Variants in FN1 observed in about 807,000 individuals in gnomAD.
FN1 encodes fibronectin 1.
FN1 carries 106 observed loss-of-function variants against 297.3 expected under a neutral mutation model. The ratio of observed to expected loss-of-function variants is 0.36; its 90% CI spans 0.30 to 0.42. The LOEUF (loss-of-function observed/expected upper bound fraction) is 0.42. Among genes scored for constraint, FN1 ranks in the 10% least tolerant of loss-of-function variants. FN1 has a pLI of 1.00. For synonymous variants in FN1, 1,149 were observed against 1,152.6 expected (o/e 1.00, Z 0.06); for missense variants, 2,690 against 3,124.9 (o/e 0.86, Z 3.32).
Position 215,406,309 on chromosome 2 carries a change from G to A in FN1, c.2915C>T (p.Thr972Ile). 6.2e-7 allele frequency: 1 copy of A among 1,614,200 alleles called. No individual in the cohort carries two copies. Among genetic ancestry groups the A allele is most frequent in the Non-Finnish European group, 8.5e-7 (1 of 1,180,032 alleles). ...AEVTGLSPGV[T>I]YYFKVFAVSH... ...CACTGCAAAGACTTTGAAGTAATAG[G>A]TGACCCCAGGGGACAGCCCGGTGAC... The change falls in exon 19 of 46, where the codon ACC (threonine) becomes ATC (isoleucine). Residue 972 changes from threonine (T) to isoleucine (I), a missense_variant. Thr to Ile is a moderately conservative substitution (Grantham distance 89). Coordinates refer to ENST00000354785, the MANE Select transcript of FN1 (RefSeq NM_212482.4).
In FN1 at chr2:215,361,749, G is replaced by A. The variant is rs2053489851; in HGVS notation, c.7363-123C>T. 7.9e-6 allele frequency: 8 copies of A among 1,018,216 alleles called. No individual in the cohort carries two copies. The Admixed American group carries it at 1.5e-4, about 19-fold the overall frequency. 63.1% of individuals were successfully genotyped at this position (1,018,216 alleles called of 1,614,324 possible). On this transcript the variant is annotated intron_variant, in intron 45 of 45. Transcript: ENST00000354785. ...ATAGATAGGATAATATTTCTTCCTAGTTTCAAGAACCTAGCAGCATACTGG... is the reference window on the plus strand; with the variant it reads ...ATAGATAGGATAATATTTCTTCCTAATTTCAAGAACCTAGCAGCATACTGG...
In FN1 at chr2:215,386,718, CTT is replaced by C. The variant is rs1189300871; in HGVS notation, c.4581_4582del (p.Pro1529LeufsTer11). The C allele has an allele frequency of 6.2e-7, 1 of 1,613,916 alleles. No individual in the cohort carries two copies. Among genetic ancestry groups the C allele is most frequent in the East Asian group, 2.2e-5 (1 of 44,850 alleles). ...TGATTGTTGGCCAATCAATAAGGGA[CTT>C]TCCTCTCTGCCATTAAGAGCAACGA... On this transcript the variant is annotated frameshift_variant, in exon 28 of 46. Coordinates refer to ENST00000354785, the MANE Select transcript of FN1 (RefSeq NM_212482.4). LOFTEE classifies it high-confidence loss of function.
At position 215,428,166 on chromosome 2, in the gene FN1, G is replaced by A. The variant is rs763528537; in HGVS notation, c.844+14C>T. ...GCTTCCCCATTTCCCGCCCCTGCTC[G>A]TCCTGTGCCTCACCGCTCGATGTGG... is the stretch of plus-strand genomic sequence containing the variant. On this transcript the variant is annotated intron_variant, in intron 6 of 45. Coordinates refer to ENST00000354785, the MANE Select transcript of FN1 (RefSeq NM_212482.4). The A allele has an allele frequency of 2.5e-5, 41 of 1,613,558 alleles. No individual in the cohort carries two copies. Among genetic ancestry groups the A allele is most frequent in the African/African-American group, 1.1e-4 (8 of 74,928 alleles).
chr2:215,400,977 G>A (rs2060940373), intron 20 of FN1, among the ~76,000 whole-genome samples: 1 of 149,760 alleles, frequency 6.7e-6, no homozygotes, highest in Non-Finnish European at 1.5e-5. Flanking sequence ...TGTATTTTTA[G>A]TAAAGATGGG....
chr2:215,420,614 C>A, intron 11 of FN1, 59 bp downstream of exon 11: 1 of 1,604,834 alleles, frequency 6.2e-7, no homozygotes. Context: ...CTTTTCTTAT[C>A]TGAAACTTGC....
Position 215,384,148 on chromosome 2 carries a change from C to A in FN1, c.4766G>T (p.Gly1589Val). The change falls in exon 30 of 46, where the codon GGG (glycine) becomes GTG (valine). Residue 1589 changes from glycine (G) to valine (V), a missense_variant. Physicochemically the swap from Gly to Val is moderately radical, Grantham distance 109 (BLOSUM62 -3). This residue lies in a region of FN1 where 1,743 missense variants were observed against 1,945.2 expected (regional missense o/e 0.90). Transcript: ENST00000354785. ...GCTGATGGTAGCTGTAGACTTGCTC[C>A]CAGGCACAGTGAACTCCTGGACAGG... ...NSPVQEFTVP[G>V]SKSTATISGL... The A allele has an allele frequency of 6.2e-7, 1 of 1,614,100 alleles. No homozygotes were observed.
Position 215,409,992 on chromosome 2 carries a change from G to T in FN1, c.2064C>A (p.Gly688=). The T allele has an allele frequency of 6.2e-7, 1 of 1,613,980 alleles. No homozygotes were observed. The change falls in exon 14 of 46, where the codon GGC becomes GGA. Residue 688 remains glycine, a synonymous_variant. Transcript: ENST00000354785. The part of the protein sequence containing the change: ...EGQLISIQQY[G]HQEVTRFDFT... ...AGTCAAAGCGAGTCACTTCTTGGTG[G>T]CCGTACTGCTGGATGCTGATGAGCT... is the stretch of plus-strand genomic sequence containing the variant.
At chr2:215,407,012 A>G (rs535465522) in intron 18 of FN1, 115 bp downstream of exon 18, 3 of 836,194 alleles carry the variant, frequency 3.6e-6, no homozygotes, top group East Asian at 5.1e-5. Context: ...AGTTTAGGGA[A>G]AAACTAATAT....
chr2:215,404,345 G>A (rs1261950147), intron 20 of FN1, 44 bp downstream of exon 20: 1 of 1,531,538 alleles, frequency 6.5e-7, no homozygotes, highest in East Asian at 2.2e-5. Flanking sequence ...GAAGAATAGA[G>A]AATGTAAATA....
intron 25 of FN1, chr2:215,392,216 C>T (rs1424477176): frequency 4.5e-6 from 1 of 224,574 alleles, no homozygotes. Context: ...CAAGAGGGTC[C>T]TAAACTTCCC....
chr2:215,375,454 C>T (rs2057102023), intron 37 of FN1, 61 bp from the exon 38 acceptor site: 1 of 1,498,548 alleles, frequency 6.7e-7, no homozygotes, highest in Non-Finnish European at 9.2e-7. Flanking sequence ...TACTCCCACA[C>T]TTTTCTCCCG....
At chr2:215,367,552 G>A in intron 42 of FN1, 1 of 391,476 alleles carries the variant, frequency 2.6e-6, no homozygotes, top group South Asian at 2.2e-5. Flanking sequence ...CTCTTAAATA[G>A]ACCTGGTTCC....
intron 35 of FN1, 128 bp from the exon 36 acceptor site, chr2:215,376,802 T>A: frequency 1.3e-6 from 1 of 763,018 alleles, no homozygotes; most frequent in Non-Finnish European, 2.2e-6. Context: ...TAGTAATGTG[T>A]AGATTATCTC....
chr2:215,407,739 T>C (rs959106884), intron 17 of FN1, among the ~76,000 whole-genome samples: 1 of 152,150 alleles, frequency 6.6e-6, no homozygotes, highest in African/African-American at 2.4e-5. Context: ...AATCACCTAA[T>C]GAGCTAAGAC....
intron 9 of FN1, among the ~76,000 whole-genome samples, chr2:215,422,445 G>A (rs2064573283): frequency 1.3e-5 from 2 of 152,140 alleles, no homozygotes; most frequent in South Asian, 2.1e-4. Flanking sequence ...TAGTCCAAAC[G>A]TGTCATAGAA....
chr2:215,394,539 G>A lies in FN1; in HGVS notation c.3785C>T (p.Thr1262Ile), dbSNP rs78334856. 8 of 1,612,642 alleles carry A rather than the reference G, an allele frequency of 5.0e-6. No individual in the cohort carries two copies. Among genetic ancestry groups the A allele is most frequent in the Middle Eastern group, 1.7e-4 (1 of 5,980 alleles). Reference protein sequence around the residue: ...DDKESVPISDTIIPEVPQLTD... With the variant: ...DDKESVPISDIIIPEVPQLTD... ...TATTTTTCTATTACCTGGGATGATGGTATCAGAGATAGGGACACTTTCCTT... is the reference window on the plus strand; with the variant it reads ...TATTTTTCTATTACCTGGGATGATGATATCAGAGATAGGGACACTTTCCTT... The change falls in exon 24 of 46, where the codon ACC (threonine) becomes ATC (isoleucine). Residue 1262 changes from threonine (T) to isoleucine (I), a missense_variant. Thr to Ile is a moderately conservative substitution (Grantham distance 89). Coordinates refer to ENST00000354785, the MANE Select transcript of FN1 (RefSeq NM_212482.4).
chr2:215,380,719 C>G (rs761190584), intron 33 of FN1, 92 bp downstream of exon 33: 2 of 1,410,284 alleles, frequency 1.4e-6, no homozygotes, highest in Non-Finnish European at 2.0e-6. Context: ...CACCCTTACA[C>G]GGGAATCAAT....
chr2:215,377,591 C>T (rs1266958500), intron 35 of FN1, among the ~76,000 whole-genome samples: 1 of 152,172 alleles, frequency 6.6e-6, no homozygotes, highest in Non-Finnish European at 1.5e-5. Flanking sequence ...GATACCAGCA[C>T]CATGCTTCCT....
chr2:215,365,707 G>A (rs1366742529), intron 42 of FN1, 77 bp from the exon 43 acceptor site: 15 of 1,375,014 alleles, frequency 1.1e-5, no homozygotes, highest in South Asian at 1.2e-5. Flanking sequence ...GAACTGGGAC[G>A]TGTCACAGGG....
Sources: gnomAD v4.1 joint callset for allele counts (sites outside exome capture counted in the v4.1 genomes callset) on GRCh38, gnomAD v4.1.1 for gene constraint, gnomAD v4.1.1 regional missense constraint, MANE v1.5 for transcripts, NCBI Gene and HGNC (gene_info 2026-07-23, HGNC 2026-07-21) for gene names.